AKIRIN2: variants seen among roughly 807,000 people sequenced by gnomAD.
AKIRIN2 encodes akirin 2.
AKIRIN2 carries 6 observed loss-of-function variants against 29.3 expected under a neutral mutation model. The observed-to-expected ratio is 0.20, with a 90% CI of 0.11 to 0.40. AKIRIN2 has a LOEUF of 0.40. Ranked by LOEUF, AKIRIN2 falls within the 10% of genes least tolerant of loss-of-function variation. The pLI, the probability that AKIRIN2 is intolerant of heterozygous loss-of-function variation, is 1.00. For missense variants in AKIRIN2, 210 were observed against 276.1 expected (o/e 0.76, Z 1.70); for synonymous variants, 128 against 117.5 (o/e 1.09, Z -0.58).
rs1279317845 is a variant in AKIRIN2, at chr6:87,675,619, GAA to G, written c.602-14_602-13del. 3.1e-6 allele frequency: 5 copies of G among 1,613,606 alleles called. No individual in the cohort carries two copies. Among genetic ancestry groups the G allele is most frequent in the Non-Finnish European group, 4.2e-6 (5 of 1,179,774 alleles). ...GATTCATGAAACATCTAAAGGGTGA[GAA>G]AAAGAAAATTAGTGCAAAATACAGG... On this transcript the variant is annotated splice_polypyrimidine_tract_variant and intron_variant, in intron 4 of 4. Coordinates refer to ENST00000257787, the MANE Select transcript of AKIRIN2 (RefSeq NM_018064.4).
At chr6:87,693,696 G>T (rs1389037126) in intron 1 of AKIRIN2, among the ~76,000 whole-genome samples, 1 of 145,272 alleles carries the variant, frequency 6.9e-6, no homozygotes, top group Non-Finnish European at 1.5e-5. Flanking sequence ...CTGCACTCCA[G>T]CCTGGGCGAC....
chr6:87,676,434 C>A (rs1455449712), intron 3 of AKIRIN2, among the ~76,000 whole-genome samples: 1 of 116,058 alleles, frequency 8.6e-6, no homozygotes, highest in Non-Finnish European at 1.7e-5. Flanking sequence ...CCACTGCACT[C>A]CAGCCTGGGC....
chr6:87,702,161 G>A lies in AKIRIN2; in HGVS notation c.-477C>T. The A allele has an allele frequency of 2.5e-6, 1 of 398,662 alleles. No homozygotes were observed. Among genetic ancestry groups the A allele is most frequent in the Non-Finnish European group, 4.4e-6 (1 of 226,036 alleles). The allele number at this position is 398,662 out of a possible 1,614,324, so 24.7% of individuals were successfully genotyped here. ...TTGCGAGCGGCGATCGATGCAGAGA[G>A]ATTGCGAGGTAGCTGCCGCAGCAGG... On this transcript the variant is annotated 5_prime_UTR_variant, in exon 1 of 5. Coordinates refer to ENST00000257787, the MANE Select transcript of AKIRIN2 (RefSeq NM_018064.4).
intron 2 of AKIRIN2, among the ~76,000 whole-genome samples, chr6:87,680,160 C>A (rs1252855535): frequency 6.6e-6 from 1 of 152,158 alleles, no homozygotes; most frequent in Non-Finnish European, 1.5e-5. Context: ...AGTCTAGTGC[C>A]CAACCCTCAC....
chr6:87,687,116 T>C (rs184605366), intron 1 of AKIRIN2, among the ~76,000 whole-genome samples: 2 of 149,308 alleles, frequency 1.3e-5, no homozygotes, highest in African/African-American at 4.9e-5. Context: ...TGGAAACCTG[T>C]ACATAATTAA....
Position 87,677,975 on chromosome 6 carries a change from C to CA in AKIRIN2, c.380-9dup. 1 of 1,606,430 alleles carries CA rather than the reference C, an allele frequency of 6.2e-7. No individual in the cohort carries two copies. On this transcript the variant is annotated splice_polypyrimidine_tract_variant and intron_variant, in intron 2 of 4. Transcript: ENST00000257787. ...ATGCTGCAGATGAAGTCCCTATGTA[C>CA]AATGAGGACAAAAAATAGCACCTGG...
chr6:87,681,463 T>C lies in AKIRIN2; in HGVS notation c.379+157A>G, dbSNP rs557334415. On this transcript the variant is annotated intron_variant, in intron 2 of 4. Coordinates refer to ENST00000257787, the MANE Select transcript of AKIRIN2 (RefSeq NM_018064.4). ...GGAATCCAGTGGTAACTCCTTATTTTGTACCATATTATTTTTTAAGATGTC... is the reference window on the plus strand; with the variant it reads ...GGAATCCAGTGGTAACTCCTTATTTCGTACCATATTATTTTTTAAGATGTC... Among the ~76,000 whole-genome samples the C allele has an allele frequency of 9.5e-4, 145 of 152,372 alleles. 2 individuals carry two copies. Among genetic ancestry groups the C allele is most frequent in the African/African-American group, 3.4e-3 (142 of 41,586 alleles).
intron 1 of AKIRIN2, among the ~76,000 whole-genome samples, chr6:87,689,067 ATT>A (rs1771236148): frequency 6.6e-6 from 1 of 152,298 alleles, no homozygotes; most frequent in Admixed American, 6.5e-5. Context: ...ACAGTTAAAT[ATT>A]ATATAAGTAT....
chr6:87,681,841 G>T, intron 1 of AKIRIN2, 78 bp from the exon 2 acceptor site: 1 of 1,249,448 alleles, frequency 8.0e-7, no homozygotes, highest in Non-Finnish European at 1.1e-6. Context: ...ACATTATTTA[G>T]TAGACCAATC....
Position 87,693,508 on chromosome 6 carries a change from T to A in AKIRIN2, c.235+7942A>T, listed in dbSNP as rs1771311089. 2.6e-5 allele frequency among the ~76,000 whole-genome samples: 4 copies of A among 152,024 alleles called. No individual in the cohort carries two copies. The South Asian group carries it at 8.3e-4, about 32-fold the overall frequency. ...ACTGTGGCAGGCCCAGACGGGCGGA[T>A]CACGAGGTCAGGAGTTCAAGATCAG... On this transcript the variant is annotated intron_variant, in intron 1 of 4. Coordinates refer to ENST00000257787, the MANE Select transcript of AKIRIN2 (RefSeq NM_018064.4).
chr6:87,684,352 G>A (rs1220526702), intron 1 of AKIRIN2, among the ~76,000 whole-genome samples: 1 of 152,132 alleles, frequency 6.6e-6, no homozygotes, highest in African/African-American at 2.4e-5. Flanking sequence ...CAGATACTTA[G>A]GGACATCACT....
At chr6:87,682,115 T>G (rs1360242688) in intron 1 of AKIRIN2, among the ~76,000 whole-genome samples, 1 of 152,232 alleles carries the variant, frequency 6.6e-6, no homozygotes, top group Admixed American at 6.5e-5. Context: ...CACATAGAAC[T>G]ATTACACTAA....
intron 1 of AKIRIN2, among the ~76,000 whole-genome samples, chr6:87,689,044 G>T (rs1771235985): frequency 6.6e-6 from 1 of 152,192 alleles, no homozygotes; most frequent in South Asian, 2.1e-4. Context: ...GAAGATAAAT[G>T]AATGCCTTTT....
At chr6:87,694,778 G>T (rs546166457) in intron 1 of AKIRIN2, among the ~76,000 whole-genome samples, 1 of 152,264 alleles carries the variant, frequency 6.6e-6, no homozygotes, top group African/African-American at 2.4e-5. Flanking sequence ...CTTAGTGCTA[G>T]AAAGTTTACC....
At chr6:87,676,596 A>AACACACGCACGCGCGCGCACACACAC (rs1485678233) in intron 3 of AKIRIN2, among the ~76,000 whole-genome samples, 19 of 142,146 alleles carry the variant, frequency 1.3e-4, no homozygotes, top group African/African-American at 5.1e-4. Flanking sequence ...CTCTACTAAA[A>AACACACGCACGCGCGCGCACACACAC]ACACACACAC....
At chr6:87,679,366 A>G (rs1244062295) in intron 2 of AKIRIN2, among the ~76,000 whole-genome samples, 1 of 143,890 alleles carries the variant, frequency 6.9e-6, no homozygotes, top group Non-Finnish European at 1.5e-5. Context: ...TCTAATAAAA[A>G]TACAAAGATT....
rs142888292 is a variant in AKIRIN2, at chr6:87,676,192, C to T, written c.530-261G>A. On this transcript the variant is annotated intron_variant, in intron 3 of 4. Transcript: ENST00000257787. ...CTAACAAAAAGGCTGGGACCGGGTG[C>T]GGTGGCTCACGCCTGTAATCCAAGC... 5.9e-3 allele frequency among the ~76,000 whole-genome samples: 898 copies of T among 151,864 alleles called. 2 individuals carry two copies. The highest frequency in any genetic ancestry group is 0.01 in the Middle Eastern group (3 of 292).
intron 1 of AKIRIN2, among the ~76,000 whole-genome samples, chr6:87,683,710 G>C (rs1467976984): frequency 6.6e-6 from 1 of 152,100 alleles, no homozygotes; most frequent in Non-Finnish European, 1.5e-5. Context: ...CTGGAGTGCA[G>C]TGGCGTGATC....
intron 3 of AKIRIN2, among the ~76,000 whole-genome samples, chr6:87,676,440 TG>T (rs1401702376): frequency 1.7e-4 from 10 of 58,886 alleles, no homozygotes; most frequent in African/African-American, 7.4e-4. Flanking sequence ...CACTCCAGCC[TG>T]GGCAACAAAA....
Sources: allele counts gnomAD v4.1 joint callset (sites outside exome capture counted in the v4.1 genomes callset), GRCh38; gene constraint gnomAD v4.1.1; transcripts MANE v1.5; gene names NCBI Gene and HGNC (gene_info 2026-07-23, HGNC 2026-07-21).